The following ERBB4 variants were observed in gnomAD, a reference collection of about 807,000 sequenced individuals.
ERBB4 encodes receptor tyrosine-protein kinase erbB-4.
A neutral mutation model predicts 158.0 loss-of-function variants in ERBB4; 42 were observed. The observed-to-expected ratio is 0.27, with a 90% CI of 0.21 to 0.34. The LOEUF (loss-of-function observed/expected upper bound fraction) is 0.34. Among genes scored for constraint, ERBB4 ranks in the 10% least tolerant of loss-of-function variants. ERBB4 has a pLI of 1.00. For synonymous variants in ERBB4, 583 were observed against 558.7 expected (o/e 1.04, Z -0.61); for missense variants, 1,333 against 1,624.1 (o/e 0.82, Z 3.08).
intron 1 of ERBB4, among the ~76,000 whole-genome samples, chr2:212,340,427 T>A (rs1487096503): frequency 1.3e-5 from 2 of 152,198 alleles, no homozygotes; most frequent in African/African-American, 4.8e-5. Context: ...ATGAAATCAT[T>A]ATACAACTCA....
At chr2:212,283,041 G>A (rs780987633) in intron 1 of ERBB4, among the ~76,000 whole-genome samples, 1 of 151,366 alleles carries the variant, frequency 6.6e-6, no homozygotes, top group Admixed American at 6.6e-5. Context: ...TCCATGGCAG[G>A]GACAAAACAA....
At chr2:212,307,742 T>C (rs2086866122) in intron 1 of ERBB4, among the ~76,000 whole-genome samples, 1 of 151,216 alleles carries the variant, frequency 6.6e-6, no homozygotes, top group African/African-American at 2.4e-5. Context: ...GTGTTTAAAA[T>C]ACAGAGATTT....
intron 19 of ERBB4, among the ~76,000 whole-genome samples, chr2:211,563,861 G>T (rs1183665868): frequency 6.6e-6 from 1 of 152,118 alleles, no homozygotes; most frequent in East Asian, 1.9e-4. Context: ...CATAGAGGGT[G>T]TAATATGTAT....
intron 1 of ERBB4, among the ~76,000 whole-genome samples, chr2:212,361,539 C>A (rs1009457805): frequency 1.3e-5 from 2 of 151,614 alleles, no homozygotes; most frequent in African/African-American, 4.8e-5. Flanking sequence ...CTTTTACTGG[C>A]ACTCTTACTA....
chr2:211,706,339 A>G (rs930122920), intron 9 of ERBB4, among the ~76,000 whole-genome samples: 3 of 152,304 alleles, frequency 2.0e-5, no homozygotes, highest in East Asian at 3.9e-4. Context: ...GCGAATAACC[A>G]TTAGTGATCC....
intron 1 of ERBB4, among the ~76,000 whole-genome samples, chr2:212,163,716 TA>T (rs1369663405): frequency 3.9e-5 from 6 of 152,046 alleles, no homozygotes; most frequent in Admixed American, 3.3e-4. Context: ...ATGGTGCTTT[TA>T]TATAGCTTGT....
intron 19 of ERBB4, among the ~76,000 whole-genome samples, chr2:211,580,228 T>C (rs192386736): frequency 3.9e-4 from 59 of 152,126 alleles, no homozygotes; most frequent in Non-Finnish European, 7.8e-4. Context: ...TGGGAGAAAA[T>C]CTTCACAATC....
At chr2:212,059,586 A>G (rs1256418355) in intron 2 of ERBB4, among the ~76,000 whole-genome samples, 1 of 152,226 alleles carries the variant, frequency 6.6e-6, no homozygotes, top group Admixed American at 6.5e-5. Flanking sequence ...TACTGGTACC[A>G]AAACAGAGAT....
intron 6 of ERBB4, among the ~76,000 whole-genome samples, chr2:211,724,175 T>A (rs559836493): frequency 3.3e-5 from 5 of 152,308 alleles, no homozygotes; most frequent in African/African-American, 1.2e-4. Flanking sequence ...TTAACATTTT[T>A]ATTTCCTTTT....
At chr2:211,438,039 C>T (rs368493992) in intron 20 of ERBB4, among the ~76,000 whole-genome samples, 1 of 152,086 alleles carries the variant, frequency 6.6e-6, no homozygotes, top group African/African-American at 2.4e-5. Context: ...AACTGAGGGA[C>T]CTTTTTAACC....
At position 212,065,800 on chromosome 2, in the gene ERBB4, A is replaced by T. The variant is rs1471063041; in HGVS notation, c.234+58952T>A. The stretch of plus-strand genomic sequence containing the variant: ...AACGGAGTACAGTCACTTTCTAAAC[A>T]CTATTTCCCAACCCCATAGAGCTAG... On this transcript the variant is annotated intron_variant, in intron 2 of 27. Coordinates refer to ENST00000342788, the MANE Select transcript of ERBB4 (RefSeq NM_005235.3). Among the ~76,000 whole-genome samples, 3 of 152,014 alleles carry T rather than the reference A, an allele frequency of 2.0e-5. No individual in the cohort carries two copies. In the East Asian group the frequency reaches 5.8e-4, roughly 29 times the overall value.
intron 25 of ERBB4, among the ~76,000 whole-genome samples, chr2:211,414,920 T>C (rs2063349193): frequency 6.6e-6 from 1 of 152,048 alleles, no homozygotes; most frequent in African/African-American, 2.4e-5. Context: ...AGTTACCTCC[T>C]AGGGCTTTGT....
intron 1 of ERBB4, among the ~76,000 whole-genome samples, chr2:212,290,784 AAACAAAT>A (rs2086177777): frequency 6.6e-6 from 1 of 152,144 alleles, no homozygotes; most frequent in Non-Finnish European, 1.5e-5. Context: ...CAATGTAAAA[AAACAAAT>A]AACGAACATA....
chr2:211,908,704 A>T (rs1224060941), intron 3 of ERBB4, among the ~76,000 whole-genome samples: 1 of 151,776 alleles, frequency 6.6e-6, no homozygotes, highest in Non-Finnish European at 1.5e-5. Flanking sequence ...ATTTGATTAC[A>T]TTCCGTTTTA....
intron 20 of ERBB4, among the ~76,000 whole-genome samples, chr2:211,513,167 C>G (rs113828624): frequency 0.038 from 5,792 of 151,824 alleles, 385 homozygotes; most frequent in African/African-American, 0.13. Flanking sequence ...AGAGAACTGT[C>G]AACCATGCTG....
Position 211,733,985 on chromosome 2 carries a change from C to T in ERBB4, c.623-8791G>A, listed in dbSNP as rs185920844. On this transcript the variant is annotated intron_variant, in intron 5 of 27. Coordinates refer to ENST00000342788, the MANE Select transcript of ERBB4 (RefSeq NM_005235.3). ...TGAACCCGGGAGACTGAGGTTGCAG[C>T]GAGCTGAGATCATGCCACTGTCCTC... Among the ~76,000 whole-genome samples the T allele has an allele frequency of 8.2e-4, 124 of 151,962 alleles. 1 individual carries two copies. Among genetic ancestry groups the T allele is most frequent in the Non-Finnish European group, 1.3e-3 (91 of 67,968 alleles).
At chr2:211,485,764 C>G (rs12995615) in intron 20 of ERBB4, among the ~76,000 whole-genome samples, 1 of 149,352 alleles carries the variant, frequency 6.7e-6, no homozygotes, top group East Asian at 2.0e-4. Context: ...TGTTAAATGA[C>G]GAGTTAATGG....
intron 4 of ERBB4, among the ~76,000 whole-genome samples, chr2:211,774,949 G>C (rs1433331836): frequency 2.6e-5 from 4 of 152,272 alleles, no homozygotes; most frequent in Admixed American, 6.5e-5. Context: ...TCAGTAGAGT[G>C]ACTAGAATTT....
rs547136230 is a variant in ERBB4 at position 212,501,648 on chromosome 2, C to T, written c.82+36801G>A. Reference sequence around the variant, plus strand: ...CATACCTGTCTTGAAATATTTGCTCCAGTCTAAGCATAGAATAATCACTCT... The same window carrying T: ...CATACCTGTCTTGAAATATTTGCTCTAGTCTAAGCATAGAATAATCACTCT... On this transcript the variant is annotated intron_variant, in intron 1 of 27. Coordinates refer to ENST00000342788, the MANE Select transcript of ERBB4 (RefSeq NM_005235.3). Among the ~76,000 whole-genome samples the T allele has an allele frequency of 1.4e-4, 22 of 152,244 alleles. 2 individuals are homozygous for T. The highest frequency in any genetic ancestry group is 4.6e-4 in the African/African-American group (19 of 41,556).
Sources: gnomAD v4.1 joint callset for allele counts (sites outside exome capture counted in the v4.1 genomes callset) on GRCh38, gnomAD v4.1.1 for gene constraint, MANE v1.5 for transcripts, NCBI Gene and HGNC (gene_info 2026-07-23, HGNC 2026-07-21) for gene names.